ST8SIA2: variants seen among roughly 807,000 people sequenced by gnomAD.
ST8SIA2 encodes ST8 alpha-N-acetyl-neuraminide alpha-2,8-sialyltransferase 2.
A neutral mutation model predicts 37.6 loss-of-function variants in ST8SIA2; 22 were observed. That is an observed-to-expected ratio of 0.58 (90% CI 0.42 to 0.83). The LOEUF (loss-of-function observed/expected upper bound fraction) is 0.83, where lower values mean the gene tolerates loss of function less well. Among genes scored for constraint, ST8SIA2 ranks in the 40% least tolerant of loss-of-function variants. The pLI is 0.00. For synonymous variants in ST8SIA2, 205 were observed against 201.2 expected, an observed-to-expected ratio of 1.02 and a Z score of -0.16; for missense variants, 382 against 484.7, an observed-to-expected ratio of 0.79 and a Z score of 1.99.
intron 1 of ST8SIA2, among the ~76,000 whole-genome samples, chr15:92,396,555 A>C (rs767983448): frequency 1.3e-5 from 2 of 150,698 alleles, no homozygotes; most frequent in Non-Finnish European, 2.9e-5. Context: ...GTGCAGTGGC[A>C]CAATCTCGGC....
intron 3 of ST8SIA2, among the ~76,000 whole-genome samples, chr15:92,436,251 C>T (rs1169855679): frequency 6.6e-6 from 1 of 152,150 alleles, no homozygotes; most frequent in African/African-American, 2.4e-5. Flanking sequence ...ATTCTCCCCA[C>T]TACACCACCG....
chr15:92,409,080 TTAAG>T (rs1410913600), intron 1 of ST8SIA2, among the ~76,000 whole-genome samples: 1 of 152,156 alleles, frequency 6.6e-6, no homozygotes, highest in Non-Finnish European at 1.5e-5. Context: ...AGCCCACAGT[TTAAG>T]TAAGTATTCC....
intron 1 of ST8SIA2, among the ~76,000 whole-genome samples, chr15:92,426,393 AC>A (rs2049676045): frequency 6.6e-6 from 1 of 152,162 alleles, no homozygotes; most frequent in Non-Finnish European, 1.5e-5. Flanking sequence ...TCTGAGAGGC[AC>A]CAGGCAGAAA....
chr15:92,415,364 T>A (rs2049579159), intron 1 of ST8SIA2, among the ~76,000 whole-genome samples: 1 of 151,886 alleles, frequency 6.6e-6, no homozygotes, highest in African/African-American at 2.4e-5. Context: ...CTAATGTACC[T>A]GGCACGGGAG....
At chr15:92,443,685 C>T (rs2049819760) in intron 4 of ST8SIA2, among the ~76,000 whole-genome samples, 1 of 152,102 alleles carries the variant, frequency 6.6e-6, no homozygotes, top group South Asian at 2.1e-4. Flanking sequence ...CAATATGCTC[C>T]AGTCGGACCA....
rs2049409608 is a variant in ST8SIA2, at chr15:92,393,996, C to T, written c.-69C>T. On this transcript the variant is annotated 5_prime_UTR_variant, in exon 1 of 6. Coordinates refer to ENST00000268164, the MANE Select transcript of ST8SIA2 (RefSeq NM_006011.4). ...CGCGGCGCGCGGAGGCTCCGGCGTC[C>T]GCCGCTGCGCCCTCCGGCCCCTGCT... 1 of 1,212,340 alleles carries T rather than the reference C, an allele frequency of 8.2e-7. No individual in the cohort carries two copies. Among genetic ancestry groups the T allele is most frequent in the Non-Finnish European group, 1.1e-6 (1 of 913,240 alleles). 75.1% of individuals were successfully genotyped at this position (1,212,340 alleles called of 1,614,324 possible).
intron 1 of ST8SIA2, among the ~76,000 whole-genome samples, chr15:92,401,543 G>A (rs2141798009): frequency 6.6e-6 from 1 of 152,328 alleles, no homozygotes; most frequent in Middle Eastern, 3.4e-3. Flanking sequence ...GACACGACAT[G>A]TGTCTGTATT....
At position 92,393,972 on chromosome 15, in the gene ST8SIA2, G is replaced by A. The variant is rs1190606891; in HGVS notation, c.-93G>A. The A allele has an allele frequency of 3.6e-5, 29 of 804,210 alleles. No individual in the cohort carries two copies. Among genetic ancestry groups the A allele is most frequent in the Admixed American group, 4.7e-5 (1 of 21,382 alleles). The allele number at this position is 804,210 out of a possible 1,614,324, so 49.8% of individuals were successfully genotyped here. The stretch of plus-strand genomic sequence containing the variant: ...GCGCAGGGTGTCTGCCCAGCTGCGC[G>A]CGGCGCGCGGAGGCTCCGGCGTCCG... On this transcript the variant is annotated 5_prime_UTR_variant, in exon 1 of 6. Transcript: ENST00000268164.
At chr15:92,461,099 T>G (rs2049954216) in intron 5 of ST8SIA2, among the ~76,000 whole-genome samples, 1 of 151,918 alleles carries the variant, frequency 6.6e-6, no homozygotes, top group Non-Finnish European at 1.5e-5. Context: ...CAGAGCAAAG[T>G]GGAGACATGG....
chr15:92,424,660 C>T (rs1260816818), intron 1 of ST8SIA2, among the ~76,000 whole-genome samples: 1 of 150,516 alleles, frequency 6.6e-6, no homozygotes, highest in East Asian at 1.9e-4. Context: ...GTCACCCAGG[C>T]TGGAGTGCAG....
At chr15:92,414,281 T>C (rs137996262) in intron 1 of ST8SIA2, among the ~76,000 whole-genome samples, 29 of 152,358 alleles carry the variant, frequency 1.9e-4, no homozygotes, top group South Asian at 8.3e-4. Flanking sequence ...CTCTCGGATC[T>C]GACTGGGTGA....
At chr15:92,405,335 G>A (rs2049500129) in intron 1 of ST8SIA2, among the ~76,000 whole-genome samples, 2 of 152,190 alleles carry the variant, frequency 1.3e-5, no homozygotes, top group African/African-American at 4.8e-5. Context: ...AAGGAGAAGG[G>A]GAATTTGTTT....
chr15:92,444,823 C>T lies in ST8SIA2; in HGVS notation c.736C>T (p.Arg246Trp), dbSNP rs201547840. 5.6e-6 allele frequency: 9 copies of T among 1,614,040 alleles called. No individual in the cohort carries two copies. Among genetic ancestry groups the T allele is most frequent in the South Asian group, 1.1e-5 (1 of 91,082 alleles). Residue 246 changes from arginine (R) to tryptophan (W), a missense_variant, in exon 5 of 6, where the codon CGG (arginine) becomes TGG (tryptophan). Physicochemically the swap from Arg to Trp is moderately radical, Grantham distance 101. Coordinates refer to ENST00000268164, the MANE Select transcript of ST8SIA2 (RefSeq NM_006011.4). ...SILWIPAFMA[R>W]GGKERVEWVN... The stretch of plus-strand genomic sequence containing the variant: ...CCTGTGGATCCCTGCCTTCATGGCC[C>T]GGGGCGGCAAGGAGCGTGTTGAGTG...
chr15:92,404,125 A>G (rs994098681), intron 1 of ST8SIA2, among the ~76,000 whole-genome samples: 6 of 152,216 alleles, frequency 3.9e-5, no homozygotes, highest in Non-Finnish European at 8.8e-5. Context: ...TTCATCATAC[A>G]TCTCTCCCTG....
rs113080193 is a variant in ST8SIA2, at chr15:92,449,907, C to T, written c.842+4978C>T. On this transcript the variant is annotated intron_variant, in intron 5 of 5. Coordinates refer to ENST00000268164, the MANE Select transcript of ST8SIA2 (RefSeq NM_006011.4). ...TAGATTCTGGATATTAGACCTTTGT[C>T]GGATGCATAGTTTGTGAATATTTTC... 6.3e-3 allele frequency among the ~76,000 whole-genome samples: 957 copies of T among 152,184 alleles called. 15 individuals carry two copies. The highest frequency in any genetic ancestry group is 0.022 in the African/African-American group (905 of 41,504).
chr15:92,394,865 G>A (rs1356896233), intron 1 of ST8SIA2, among the ~76,000 whole-genome samples: 2 of 152,228 alleles, frequency 1.3e-5, no homozygotes, highest in African/African-American at 4.8e-5. Flanking sequence ...GCAGCGCGGA[G>A]ACGGAGACAT....
chr15:92,421,656 C>A (rs2141820891), intron 1 of ST8SIA2, among the ~76,000 whole-genome samples: 1 of 152,278 alleles, frequency 6.6e-6, no homozygotes, highest in South Asian at 2.1e-4. Context: ...TAATTACAGA[C>A]CCAGCGAGTG....
At chr15:92,445,885 C>G (rs2049838892) in intron 5 of ST8SIA2, among the ~76,000 whole-genome samples, 1 of 152,208 alleles carries the variant, frequency 6.6e-6, no homozygotes, top group Non-Finnish European at 1.5e-5. Context: ...CTTGTTTCCT[C>G]CCATTCATGT....
At chr15:92,408,744 C>CA (rs2049527787) in intron 1 of ST8SIA2, among the ~76,000 whole-genome samples, 1 of 151,566 alleles carries the variant, frequency 6.6e-6, no homozygotes, top group Non-Finnish European at 1.5e-5. Context: ...CTCACTCTGT[C>CA]GCCCAGGCTG....
Sources: allele counts gnomAD v4.1 joint callset (sites outside exome capture counted in the v4.1 genomes callset), GRCh38; gene constraint gnomAD v4.1.1; transcripts MANE v1.5; gene names NCBI Gene and HGNC (gene_info 2026-07-23, HGNC 2026-07-21).